The following SPECC1 variants were observed in gnomAD, a reference collection of about 807,000 sequenced individuals.
SPECC1 encodes the protein cytospin-B.
A neutral mutation model predicts 104.1 loss-of-function variants in SPECC1; 62 were observed. The ratio of observed to expected loss-of-function variants is 0.60; its 90% CI spans 0.49 to 0.74. The LOEUF is 0.74. Among genes scored for constraint, SPECC1 ranks in the 30% least tolerant of loss-of-function variants. The pLI is 0.00. For synonymous variants in SPECC1, 513 were observed against 501.6 expected (o/e 1.02, Z -0.30); for missense variants, 1,306 against 1,310.5 (o/e 1.00, Z 0.05).
At chr17:20,109,886 T>C (rs994647056) in intron 2 of SPECC1, among the ~76,000 whole-genome samples, 1 of 152,104 alleles carries the variant, frequency 6.6e-6, no homozygotes, top group Admixed American at 6.6e-5. Flanking sequence ...AGAGACGAGG[T>C]TTCACTTTGT....
In SPECC1 at chr17:20,021,702, A is replaced by ATT. The variant is rs1187795523; in HGVS notation, c.-22+12284_-22+12285dup. Reference sequence around the variant, plus strand: ...TATAATAATATATATATATATATATATTTTTTTGTACTTTTAGTAGAGACC... The same window carrying ATT: ...TATAATAATATATATATATATATATATTTTTTTTTGTACTTTTAGTAGAGACC... On this transcript the variant is annotated intron_variant, in intron 1 of 14. Coordinates refer to ENST00000395527, the MANE Select transcript of SPECC1 (RefSeq NM_001243439.2). 3.3e-3 allele frequency among the ~76,000 whole-genome samples: 460 copies of ATT among 139,258 alleles called. 3 individuals carry two copies. Among genetic ancestry groups the ATT allele is most frequent in the Middle Eastern group, 0.019 (5 of 266 alleles). 91.4% of individuals were successfully genotyped at this position (139,258 alleles called of 152,430 possible).
chr17:20,192,250 C>T (rs1392173780), intron 3 of SPECC1, among the ~76,000 whole-genome samples: 1 of 152,046 alleles, frequency 6.6e-6, no homozygotes, highest in Non-Finnish European at 1.5e-5. Context: ...GCTGGGATTA[C>T]AGGTGTGAGC....
intron 3 of SPECC1, among the ~76,000 whole-genome samples, chr17:20,158,960 T>G (rs2032875488): frequency 6.7e-6 from 1 of 149,494 alleles, no homozygotes; most frequent in African/African-American, 2.4e-5. Flanking sequence ...TTGTTTTTGT[T>G]TTTGTTTTTT....
intron 1 of SPECC1, among the ~76,000 whole-genome samples, chr17:20,072,808 G>GTGGCAA: frequency 6.6e-6 from 1 of 152,324 alleles, no homozygotes; most frequent in South Asian, 2.1e-4. Flanking sequence ...AATGCAGCTT[G>GTGGCAA]TGGCAATGAC....
In SPECC1 at chr17:20,194,501, A is replaced by ATTTTTTTTTTTTT. The variant is rs1567923485; in HGVS notation, c.284-9832_284-9831insTTTTTTTTTTTTT. 1.8e-4 allele frequency among the ~76,000 whole-genome samples: 12 copies of ATTTTTTTTTTTTT among 68,134 alleles called. No homozygotes were observed. The East Asian group carries it at 0.014, about 78-fold the overall frequency. 44.7% of individuals were successfully genotyped at this position (68,134 alleles called of 152,430 possible). The stretch of plus-strand genomic sequence containing the variant: ...TTGTGTTCTGTTAGAAAAGAGAACG[A>ATTTTTTTTTTTTT]ATTTTTTTTTTTTTTTTTTTTTTTG... On this transcript the variant is annotated intron_variant, in intron 3 of 14. Coordinates refer to ENST00000395527, the MANE Select transcript of SPECC1 (RefSeq NM_001243439.2).
At chr17:20,017,740 C>T (rs1420290503) in intron 1 of SPECC1, 2 of 152,184 alleles carry the variant, frequency 1.3e-5, no homozygotes, top group African/African-American at 2.4e-5. Context: ...TGGTCTTCAT[C>T]CTGTGTTTTT....
At chr17:20,184,576 C>CT (rs1427621214) in intron 3 of SPECC1, among the ~76,000 whole-genome samples, 2 of 152,176 alleles carry the variant, frequency 1.3e-5, no homozygotes, top group Non-Finnish European at 2.9e-5. Context: ...CCAGCTGAAG[C>CT]TGTGTGATCT....
chr17:20,050,036 C>T (rs1021784530), intron 1 of SPECC1, among the ~76,000 whole-genome samples: 7 of 152,018 alleles, frequency 4.6e-5, no homozygotes, highest in African/African-American at 1.7e-4. Context: ...AGGCTGGTCT[C>T]GAACTCCCGA....
At chr17:20,110,144 TTA>T (rs2048412520) in intron 2 of SPECC1, among the ~76,000 whole-genome samples, 1 of 152,202 alleles carries the variant, frequency 6.6e-6, no homozygotes, top group Non-Finnish European at 1.5e-5. Context: ...GCCACATTTT[TTA>T]AGGCTCATTA....
At chr17:20,222,974 T>C (rs1245781815) in intron 4 of SPECC1, among the ~76,000 whole-genome samples, 1 of 152,218 alleles carries the variant, frequency 6.6e-6, no homozygotes, top group African/African-American at 2.4e-5. Context: ...TAGGATCTTT[T>C]CATTATCTTT....
Position 20,236,505 on chromosome 17 carries a change from G to A in SPECC1, c.2351+4100G>A, listed in dbSNP as rs2038919621. Among the ~76,000 whole-genome samples the A allele has an allele frequency of 2.6e-5, 4 of 152,108 alleles. No homozygotes were observed. The South Asian group carries it at 8.3e-4, about 32-fold the overall frequency. On this transcript the variant is annotated intron_variant, in intron 7 of 14. Transcript: ENST00000395527. The stretch of plus-strand genomic sequence containing the variant: ...AGGTTGCAGTTATAAAAGCAAGAAG[G>A]TTTTTGGCCTTGACAGTAGAGAGAA...
rs148682496 is a variant in SPECC1 at position 20,182,462 on chromosome 17, A to T, written c.284-21871A>T. Among the ~76,000 whole-genome samples, 1,077 of 152,136 alleles carry T rather than the reference A, an allele frequency of 7.1e-3. 13 individuals are homozygous for T. The highest frequency in any genetic ancestry group is 0.023 in the African/African-American group (971 of 41,486). On this transcript the variant is annotated intron_variant, in intron 3 of 14. Transcript: ENST00000395527. ...AGTTTTATAGAGGCCACCGGACAGA[A>T]TCGGTTTAAAAAAAGATAGACAATT...
intron 1 of SPECC1, among the ~76,000 whole-genome samples, chr17:20,011,146 C>G (rs1325996179): frequency 6.6e-6 from 1 of 152,146 alleles, no homozygotes; most frequent in Non-Finnish European, 1.5e-5. Context: ...GCTGTCCTCT[C>G]TGATTAAATT....
chr17:20,129,154 T>C (rs957155132), intron 3 of SPECC1, among the ~76,000 whole-genome samples: 1 of 151,726 alleles, frequency 6.6e-6, no homozygotes, highest in African/African-American at 2.4e-5. Context: ...AGATTATGGG[T>C]GTGAGCCACT....
intron 1 of SPECC1, among the ~76,000 whole-genome samples, chr17:20,041,578 T>C (rs1458499249): frequency 6.6e-6 from 1 of 151,636 alleles, no homozygotes; most frequent in Non-Finnish European, 1.5e-5. Flanking sequence ...CCAAGATTTT[T>C]TTTTCATTTG....
intron 2 of SPECC1, among the ~76,000 whole-genome samples, chr17:20,103,641 C>T (rs980936703): frequency 2.0e-5 from 3 of 152,244 alleles, no homozygotes; most frequent in East Asian, 3.9e-4. Context: ...TTTCTCCTGC[C>T]GATCTTCCCT....
chr17:20,017,833 AAT>A (rs1383536524), intron 1 of SPECC1, among the ~76,000 whole-genome samples: 1 of 152,136 alleles, frequency 6.6e-6, no homozygotes, highest in Non-Finnish European at 1.5e-5. Flanking sequence ...AAGAATATCT[AAT>A]AATTTCTTCT....
Position 20,051,092 on chromosome 17 carries a change from C to CTT in SPECC1, c.-22+41670_-22+41671dup, listed in dbSNP as rs1491244470. Reference sequence around the variant, plus strand: ...TTTTTCTTTCTTTCTTTCTTTCTTTCTTTCTTTCTTTCTTTCTTTCTTTCT... The same window carrying CTT: ...TTTTTCTTTCTTTCTTTCTTTCTTTCTTTTTCTTTCTTTCTTTCTTTCTTTCT... On this transcript the variant is annotated intron_variant, in intron 1 of 14. Transcript: ENST00000395527. 6.8e-5 allele frequency among the ~76,000 whole-genome samples: 7 copies of CTT among 102,650 alleles called. No individual in the cohort carries two copies. In the Admixed American group the frequency reaches 7.2e-4, roughly 11 times the overall value. 67.3% of individuals were successfully genotyped at this position (102,650 alleles called of 152,430 possible).
Position 20,031,706 on chromosome 17 carries a change from T to C in SPECC1, c.-22+22282T>C, listed in dbSNP as rs114562512. ...TTGGCAACCACTGTTTTACTTTCTA[T>C]CTCTGAATTTGACTACCCTAGGTAT... On this transcript the variant is annotated intron_variant, in intron 1 of 14. Transcript: ENST00000395527. Among the ~76,000 whole-genome samples, 589 of 152,318 alleles carry C rather than the reference T, an allele frequency of 3.9e-3. 2 individuals are homozygous for C. Among genetic ancestry groups the C allele is most frequent in the African/African-American group, 0.014 (564 of 41,570 alleles).
Sources: gnomAD v4.1 joint callset for allele counts (sites outside exome capture counted in the v4.1 genomes callset) on GRCh38, gnomAD v4.1.1 for gene constraint, MANE v1.5 for transcripts, NCBI Gene and HGNC (gene_info 2026-07-23, HGNC 2026-07-21) for gene names.